Variants in ZNF846 observed in about 807,000 individuals in gnomAD.
The protein encoded by ZNF846 is zinc finger protein 420 pseudogene.
ZNF846 carries 15 observed loss-of-function variants against 16.0 expected under a neutral mutation model. That is an observed-to-expected ratio of 0.94 (90% confidence interval 0.63 to 1.45). ZNF846 has a LOEUF of 1.45. Ranked by LOEUF, ZNF846 falls within the 40% of genes most tolerant of loss-of-function variation. ZNF846 has a pLI of 0.00. For missense variants in ZNF846, 714 were observed against 622.3 expected (o/e 1.15, Z -1.57); for synonymous variants, 229 against 212.0 (o/e 1.08, Z -0.70).
exon 6 of ZNF846, chr19:9,752,269 G>T (rs1339181605): frequency 6.0e-6 from 1 of 167,074 alleles, no homozygotes; most frequent in Non-Finnish European, 1.3e-5. Context: ...TATCAGCTGG[G>T]TCTTGATTAT....
chr19:9,762,306 A>G (rs1162541579), intron 3 of ZNF846, 138 bp from the exon 4 acceptor site: 2 of 661,770 alleles, frequency 3.0e-6, no homozygotes, highest in Non-Finnish European at 5.4e-6. Flanking sequence ...CTAATCATAT[A>G]ACATTTCCAA....
At chr19:9,775,038 C>A in intron 1 of ZNF846, 1 of 1,330,770 alleles carries the variant, frequency 7.5e-7, no homozygotes, top group Non-Finnish European at 1.0e-6. Flanking sequence ...AAGCAGGACT[C>A]TGTGGAAATT....
At chr19:9,754,105 C>A (rs2145166482), downstream of ZNF846, among the ~76,000 whole-genome samples, 1 of 151,276 alleles carries the variant, frequency 6.6e-6, no homozygotes, top group Admixed American at 6.6e-5. Context: ...TGAATTTTAC[C>A]TTCTATCAGT....
chr19:9,784,645 G>A (rs7246709), intron 1 of ZNF846, among the ~76,000 whole-genome samples: 3,906 of 152,048 alleles, frequency 0.026, 164 homozygotes, highest in African/African-American at 0.089. Context: ...GGACAGTAAG[G>A]TCTTTCCCTT....
chr19:9,776,127 C>G (rs747937360), intron 1 of ZNF846, among the ~76,000 whole-genome samples: 19 of 152,172 alleles, frequency 1.2e-4, no homozygotes, highest in Non-Finnish European at 1.5e-5. Flanking sequence ...GCCAGGTGGA[C>G]CATGGTCTAG....
chr19:9,765,041 G>T lies in ZNF846; in HGVS notation c.-85-6C>A. 1 of 1,427,014 alleles carries T rather than the reference G, an allele frequency of 7.0e-7. No individual in the cohort carries two copies. Among genetic ancestry groups the T allele is most frequent in the Non-Finnish European group, 9.9e-7 (1 of 1,010,742 alleles). The allele number at this position is 1,427,014 out of a possible 1,614,324, so 88.4% of individuals were successfully genotyped here. On this transcript the variant is annotated splice_region_variant and splice_polypyrimidine_tract_variant and intron_variant, in intron 1 of 5. Transcript: ENST00000397902. ...AGTGTCCTGGAAAAAATGACCTTTG[G>T]AAAAGAATAATGGCATGTCAGTTGG...
At chr19:9,752,357 C>T (rs1312480206) in exon 6 of ZNF846, 2 of 275,460 alleles carry the variant, frequency 7.3e-6, no homozygotes, top group East Asian at 2.4e-4. Context: ...TCCATAATCC[C>T]AGCACTTTGG....
intron 2 of ZNF846, 100 bp downstream of exon 2, chr19:9,764,836 C>T (rs1324958311): frequency 7.2e-7 from 1 of 1,389,806 alleles, no homozygotes; most frequent in Non-Finnish European, 1.0e-6. Context: ...TGAGCAGGAC[C>T]ATCATTTCTT....
chr19:9,757,961 C>T, exon 6 of ZNF846: 1 of 1,613,536 alleles, frequency 6.2e-7, no homozygotes, highest in Non-Finnish European at 8.5e-7. Flanking sequence ...TAAAAGCTTT[C>T]CCACATGCCT....
In ZNF846 at chr19:9,758,106, C is replaced by A; in HGVS notation, c.971G>T (p.Gly324Val). 2 of 1,613,546 alleles carry A rather than the reference C, an allele frequency of 1.2e-6. No homozygotes were observed. The highest frequency in any genetic ancestry group is 8.5e-7 in the Non-Finnish European group (1 of 1,180,014). Residue 324 changes from glycine to valine, a missense_variant, in exon 6 of 6, where the codon GGA (glycine) becomes GTA (valine). Physicochemically the swap from Gly to Val is moderately radical, Grantham distance 109 (BLOSUM62 -3). Transcript: ENST00000397902. ...GTGAATTCGCATGTGTAAAATAAGT[C>A]CTGTGGATCTAGTGAAGGCTTTTCC...
At chr19:9,770,588 C>G (rs970660912), upstream of ZNF846, among the ~76,000 whole-genome samples, 1 of 150,650 alleles carries the variant, frequency 6.6e-6, no homozygotes, top group African/African-American at 2.4e-5. Context: ...ATAAGAATAG[C>G]TGGGTGCAGT....
At chr19:9,759,158 C>T (rs12460829) in intron 5 of ZNF846, among the ~76,000 whole-genome samples, 18,527 of 151,790 alleles carry the variant, frequency 0.12, 1,494 homozygotes, top group Admixed American at 0.23. Flanking sequence ...CCACTATGCC[C>T]AGCTAATTTT....
At chr19:9,769,806 T>C (rs1222225521), upstream of ZNF846, among the ~76,000 whole-genome samples, 1 of 151,564 alleles carries the variant, frequency 6.6e-6, no homozygotes, top group Non-Finnish European at 1.5e-5. Context: ...CGAAACCCCA[T>C]CTCTACTAAA....
At chr19:9,772,362 G>T (rs2045396686), upstream of ZNF846, among the ~76,000 whole-genome samples, 1 of 152,106 alleles carries the variant, frequency 6.6e-6, no homozygotes, top group Non-Finnish European at 1.5e-5. Flanking sequence ...CACTTTGGGA[G>T]GCCGAGGTGA....
intron 1 of ZNF846, among the ~76,000 whole-genome samples, chr19:9,766,343 G>C (rs887064438): frequency 1.4e-5 from 2 of 145,074 alleles, no homozygotes; most frequent in East Asian, 4.1e-4. Flanking sequence ...GAACCAGGAA[G>C]ACAGAAATTA....
At chr19:9,755,586 G>T, downstream of ZNF846, 1 of 150,296 alleles carries the variant, frequency 6.7e-6, no homozygotes, top group Non-Finnish European at 1.5e-5. Flanking sequence ...GGATCACAAG[G>T]TCAGGAGATC....
upstream of ZNF846, among the ~76,000 whole-genome samples, chr19:9,769,048 G>A (rs1471572061): frequency 1.3e-5 from 2 of 152,206 alleles, no homozygotes; most frequent in African/African-American, 4.8e-5. Flanking sequence ...TGCAGACAGC[G>A]GGATGCTCAT....
chr19:9,754,048 A>G (rs943893417), downstream of ZNF846, among the ~76,000 whole-genome samples: 1 of 151,532 alleles, frequency 6.6e-6, no homozygotes, highest in Non-Finnish European at 1.5e-5. Flanking sequence ...TACTTCATGT[A>G]TTTTAAGCTC....
chr19:9,765,769 T>C (rs2045305518), intron 1 of ZNF846, among the ~76,000 whole-genome samples: 1 of 152,096 alleles, frequency 6.6e-6, no homozygotes, highest in East Asian at 1.9e-4. Context: ...AATACTATTC[T>C]GACACTTAAT....
Sources: gnomAD v4.1 joint callset for allele counts (sites outside exome capture counted in the v4.1 genomes callset) on GRCh38, gnomAD v4.1.1 for gene constraint, MANE v1.5 for transcripts, NCBI Gene and HGNC (gene_info 2026-07-23, HGNC 2026-07-21) for gene names.